The following ZNF799 variants were observed in gnomAD, a reference collection of about 807,000 sequenced individuals.
The protein encoded by ZNF799 is zinc finger protein 799.
ZNF799 carries 28 observed loss-of-function variants against 41.0 expected under a neutral mutation model. That is an observed-to-expected ratio of 0.68 (90% CI 0.51 to 0.94). The LOEUF is 0.94. Ranked by LOEUF, ZNF799 falls within the 40% of genes least tolerant of loss-of-function variation. ZNF799 has a pLI of 0.00. For synonymous variants in ZNF799, 213 were observed against 252.9 expected (o/e 0.84, Z 1.50); for missense variants, 716 against 764.3 (o/e 0.94, Z 0.74).
At position 12,391,586 on chromosome 19, in the gene ZNF799, T is replaced by C. The variant is rs1969819948; in HGVS notation, c.812A>G (p.His271Arg). Residue 271 changes from histidine to arginine, a missense_variant, in exon 4 of 4, where the codon CAT becomes CGT. Around this residue, in one of 2 missense-constraint regions of ZNF799, gnomAD observed 698 missense variants for 713.6 expected, o/e 0.98. Transcript: ENST00000430385. Reference protein sequence around the residue: ...AFPDYSSCLRHERTHTGKKPY... With the variant: ...AFPDYSSCLRRERTHTGKKPY... ...TTTCTTTCCAGTGTGAGTTCTTTCA[T>C]GTCTTAGACAAGAACTGTAATCAGG... is the stretch of plus-strand genomic sequence containing the variant. 4.3e-6 allele frequency: 7 copies of C among 1,614,210 alleles called. No homozygotes were observed. The highest frequency in any genetic ancestry group is 5.9e-6 in the Non-Finnish European group (7 of 1,180,020).
chr19:12,404,370 T>C (rs1271810723), upstream of ZNF799, among the ~76,000 whole-genome samples: 2 of 152,264 alleles, frequency 1.3e-5, no homozygotes, highest in Non-Finnish European at 2.9e-5. Flanking sequence ...AGATCTGTCC[T>C]GTGCTGAAAA....
At chr19:12,393,574 C>T (rs1969856734) in intron 1 of ZNF799, 151 bp from the exon 2 acceptor site, 2 of 1,426,926 alleles carry the variant, frequency 1.4e-6, no homozygotes, top group Non-Finnish European at 1.8e-6. Context: ...TCTACACTCA[C>T]TTTCTCCTAC....
rs116218733 is a variant in ZNF799 at position 12,400,124 on chromosome 19, G to A, written c.3+944C>T. On this transcript the variant is annotated intron_variant, in intron 1 of 3. Coordinates refer to ENST00000430385, the MANE Select transcript of ZNF799 (RefSeq NM_001080821.3). ...AAGAGATTTGCTGCCAGCCCTAGGA[G>A]GAGTCAGGATGAGAGAACACAGTGG... is the stretch of plus-strand genomic sequence containing the variant. Among the ~76,000 whole-genome samples the A allele has an allele frequency of 2.0e-4, 31 of 152,294 alleles. 2 individuals carry two copies. The South Asian group carries it at 6.0e-3, about 30-fold the overall frequency.
At chr19:12,400,895 C>G (rs1268694144) in intron 1 of ZNF799, 173 bp downstream of exon 1, 3 of 1,201,966 alleles carry the variant, frequency 2.5e-6, no homozygotes, top group Non-Finnish European at 3.6e-6. Flanking sequence ...CGCCCGGGGT[C>G]CCGGCTGCAT....
chr19:12,394,747 AAAAC>A, intron 1 of ZNF799: 1 of 985,212 alleles, frequency 1.0e-6, no homozygotes, highest in Non-Finnish European at 1.2e-6. Flanking sequence ...CTAAGAAACT[AAAAC>A]AAATCTTTTA....
At chr19:12,414,714 CAAAAG>C in the ZNF799 span, among the ~76,000 whole-genome samples, 2 of 152,286 alleles carry the variant, frequency 1.3e-5, no homozygotes, top group South Asian at 4.1e-4. Flanking sequence ...ATAAAGGAAT[CAAAAG>C]AGAAGAAAGG....
chr19:12,409,369 A>G, the ZNF799 span, among the ~76,000 whole-genome samples: 1 of 152,224 alleles, frequency 6.6e-6, no homozygotes, highest in African/African-American at 2.4e-5. Context: ...GTACTGGTCC[A>G]CAGCCTGGAG....
intron 1 of ZNF799, among the ~76,000 whole-genome samples, chr19:12,395,418 A>G (rs1167591927): frequency 3.9e-5 from 6 of 152,168 alleles, no homozygotes; most frequent in African/African-American, 1.4e-4. Flanking sequence ...CTAGGATTAC[A>G]GGTGTGAGCC....
Position 12,401,091 on chromosome 19 carries a change from C to T in ZNF799, c.-21G>A, listed in dbSNP as rs1181071671. 1.2e-6 allele frequency: 2 copies of T among 1,613,736 alleles called. No homozygotes were observed. The highest frequency in any genetic ancestry group is 2.2e-5 in the East Asian group (1 of 44,890). ...ACCATTTCCCGACTTCCGCGGTGTCCCAGGTCCTCCGGACGGCTCCCGCTG... is the reference window on the plus strand; with the variant it reads ...ACCATTTCCCGACTTCCGCGGTGTCTCAGGTCCTCCGGACGGCTCCCGCTG... On this transcript the variant is annotated 5_prime_UTR_variant, in exon 1 of 4. Transcript: ENST00000430385.
Position 12,393,676 on chromosome 19 carries a change from A to G in ZNF799, c.4-253T>C, listed in dbSNP as rs530703515. On this transcript the variant is annotated intron_variant, in intron 1 of 3. Coordinates refer to ENST00000430385, the MANE Select transcript of ZNF799 (RefSeq NM_001080821.3). ...TGTTGGCGAACTGAGTGAGTGAATC[A>G]CATAGCCTGGATCACCCCTAATGTT... 2.4e-3 allele frequency: 3,196 copies of G among 1,327,894 alleles called. 4 individuals carry two copies. The highest frequency in any genetic ancestry group is 2.8e-3 in the Non-Finnish European group (2,856 of 1,030,052). 82.3% of individuals were successfully genotyped at this position (1,327,894 alleles called of 1,614,324 possible). A position where few individuals can be genotyped will look rare whatever the true frequency, so the allele number is the denominator to read the frequency against.
the ZNF799 span, among the ~76,000 whole-genome samples, chr19:12,409,351 A>G: frequency 6.6e-6 from 1 of 152,210 alleles, no homozygotes; most frequent in Non-Finnish European, 1.5e-5. Flanking sequence ...CTAACCAGCT[A>G]CAGACCAGTA....
the ZNF799 span, among the ~76,000 whole-genome samples, chr19:12,407,645 G>C: frequency 1.8e-4 from 28 of 152,166 alleles, no homozygotes; most frequent in Admixed American, 5.2e-4. Flanking sequence ...TGATGTAATA[G>C]ATGTTTGTTC....
the ZNF799 span, among the ~76,000 whole-genome samples, chr19:12,414,253 G>C: frequency 2.6e-5 from 4 of 152,154 alleles, no homozygotes; most frequent in African/African-American, 4.8e-5. Flanking sequence ...TCTTGGTGCT[G>C]AGTGGAGGCA....
chr19:12,409,309 T>C, the ZNF799 span, among the ~76,000 whole-genome samples: 920 of 152,306 alleles, frequency 6.0e-3, 8 homozygotes, highest in African/African-American at 0.021. Flanking sequence ...GCTTACTGCC[T>C]GCCGCTCATC....
At chr19:12,400,487 G>C (rs1309980420) in intron 1 of ZNF799, 3 of 156,000 alleles carry the variant, frequency 1.9e-5, no homozygotes, top group African/African-American at 7.2e-5. Context: ...AGATCTCTGA[G>C]AACTGCTCAA....
At chr19:12,407,128 T>C in the ZNF799 span, among the ~76,000 whole-genome samples, 5 of 152,012 alleles carry the variant, frequency 3.3e-5, no homozygotes, top group Non-Finnish European at 7.4e-5. Context: ...GCCTTGCCAG[T>C]AATGTCAAAA....
chr19:12,409,916 G>A, the ZNF799 span, among the ~76,000 whole-genome samples: 1 of 152,152 alleles, frequency 6.6e-6, no homozygotes, highest in African/African-American at 2.4e-5. Flanking sequence ...GAAGGCCAAG[G>A]TGGGTGAATC....
chr19:12,395,956 G>A (rs940206633), intron 1 of ZNF799, among the ~76,000 whole-genome samples: 34 of 152,230 alleles, frequency 2.2e-4, no homozygotes, highest in Admixed American at 1.3e-3. Flanking sequence ...AAAGAACAGA[G>A]ATGTCAGTTT....
chr19:12,394,700 A>G (rs1969869970), intron 1 of ZNF799: 1 of 985,254 alleles, frequency 1.0e-6, no homozygotes, highest in South Asian at 4.7e-5. Context: ...CTTAGAAAGA[A>G]CTCAGTGTCA....
Sources: allele counts gnomAD v4.1 joint callset (sites outside exome capture counted in the v4.1 genomes callset), GRCh38; gene constraint gnomAD v4.1.1; regional missense constraint gnomAD v4.1.1; transcripts MANE v1.5; gene names NCBI Gene and HGNC (gene_info 2026-07-23, HGNC 2026-07-21).